MAPKAPK5: variants seen among roughly 807,000 people sequenced by gnomAD.
MAPKAPK5 encodes the protein MAP kinase-activated protein kinase 5.
MAPKAPK5 carries 30 observed loss-of-function variants against 65.1 expected under a neutral mutation model. That is an observed-to-expected ratio of 0.46 (90% CI 0.34 to 0.63). The LOEUF is 0.63. MAPKAPK5 is among the 20% of genes least tolerant of loss of function. MAPKAPK5 has a pLI of 0.01. For synonymous variants in MAPKAPK5, 179 were observed against 204.6 expected, an observed-to-expected ratio of 0.87 and a Z score of 1.07; for missense variants, 433 against 581.4, an observed-to-expected ratio of 0.74 and a Z score of 2.63.
chr12:111,884,138 A>G (rs1025161847), intron 9 of MAPKAPK5, among the ~76,000 whole-genome samples: 14 of 152,150 alleles, frequency 9.2e-5, no homozygotes, highest in African/African-American at 3.4e-4. Flanking sequence ...AGGTGCCGAG[A>G]TGACAAACAG....
At chr12:111,880,334 A>T in intron 7 of MAPKAPK5, 113 bp from the exon 8 acceptor site, 2 of 844,926 alleles carry the variant, frequency 2.4e-6, no homozygotes, top group Admixed American at 2.2e-5. Flanking sequence ...TTTTTTTTCG[A>T]TGGCTGATTG....
At chr12:111,882,769 A>G in intron 8 of MAPKAPK5, 5 of 983,578 alleles carry the variant, frequency 5.1e-6, no homozygotes, top group Non-Finnish European at 6.0e-6. Context: ...ATGCATTTAG[A>G]CCTTCTGTTC....
intron 7 of MAPKAPK5, among the ~76,000 whole-genome samples, chr12:111,874,985 G>T (rs2069917046): frequency 6.6e-6 from 1 of 151,708 alleles, no homozygotes; most frequent in Non-Finnish European, 1.5e-5. Context: ...CACCTTGTTA[G>T]CCAGGATGGT....
chr12:111,871,473 T>C (rs932817059), intron 7 of MAPKAPK5, among the ~76,000 whole-genome samples: 5 of 152,064 alleles, frequency 3.3e-5, no homozygotes, highest in African/African-American at 9.6e-5. Context: ...ACCCTGTCTC[T>C]ACTAAAAAAA....
At chr12:111,865,592 C>T (rs894855375) in intron 2 of MAPKAPK5, among the ~76,000 whole-genome samples, 4 of 151,962 alleles carry the variant, frequency 2.6e-5, no homozygotes, top group Admixed American at 2.6e-4. Flanking sequence ...TATCCCAGAA[C>T]TTTGGGAGGC....
chr12:111,886,203 TC>T (rs1459088423), intron 10 of MAPKAPK5, among the ~76,000 whole-genome samples, 167 bp downstream of exon 10: 1 of 152,118 alleles, frequency 6.6e-6, no homozygotes, highest in Non-Finnish European at 1.5e-5. Flanking sequence ...GGAATTTCTT[TC>T]GGTAAAAGAC....
At chr12:111,877,060 C>T (rs1285403859) in intron 7 of MAPKAPK5, among the ~76,000 whole-genome samples, 1 of 151,880 alleles carries the variant, frequency 6.6e-6, no homozygotes, top group Non-Finnish European at 1.5e-5. Context: ...GCTCCTGGCA[C>T]AAGTTGGAGT....
chr12:111,891,181 C>G (rs977934616), intron 13 of MAPKAPK5, among the ~76,000 whole-genome samples: 1 of 151,702 alleles, frequency 6.6e-6, no homozygotes, highest in Non-Finnish European at 1.5e-5. Context: ...GCAACCTCCC[C>G]GTCCTGGGCT....
At chr12:111,891,788 C>G (rs1002432683) in intron 13 of MAPKAPK5, among the ~76,000 whole-genome samples, 3 of 144,666 alleles carry the variant, frequency 2.1e-5, no homozygotes, top group South Asian at 4.3e-4. Context: ...GCCTGGGCAA[C>G]AGAGAGAGAC....
chr12:111,897,930 A>G lies in MAPKAPK5; in HGVS notation c.*4869A>G, dbSNP rs1378790989. The G allele has an allele frequency of 6.6e-6, 1 of 151,550 alleles. No homozygotes were observed. The highest frequency in any genetic ancestry group is 2.4e-5 in the African/African-American group (1 of 41,228). The allele number at this position is 151,550 out of a possible 1,614,324, so 9.4% of individuals were successfully genotyped here. On this transcript the variant is annotated 3_prime_UTR_variant, in exon 14 of 14. Transcript: ENST00000550735. ...TGTAGAGTTTTATTTTTCTTCATCT[A>G]GAATGCACAGAATAACTGCGTAAGG...
intron 1 of MAPKAPK5, among the ~76,000 whole-genome samples, chr12:111,859,652 CTT>C (rs758102057): frequency 9.4e-5 from 10 of 106,086 alleles, no homozygotes; most frequent in Non-Finnish European, 1.2e-4. Context: ...CTTTGCTTTT[CTT>C]TTTTTTTTTT....
At chr12:111,891,245 C>T (rs908145750) in intron 13 of MAPKAPK5, among the ~76,000 whole-genome samples, 3 of 151,352 alleles carry the variant, frequency 2.0e-5, no homozygotes, top group Non-Finnish European at 4.4e-5. Flanking sequence ...AGGCACGTAC[C>T]ACCATGCCCA....
In MAPKAPK5 at chr12:111,893,608, C is replaced by T. The variant is rs911220682; in HGVS notation, c.*547C>T. The T allele has an allele frequency of 6.6e-5, 10 of 152,254 alleles. No homozygotes were observed. Among genetic ancestry groups the T allele is most frequent in the African/African-American group, 2.2e-4 (9 of 41,432 alleles). 9.4% of individuals were successfully genotyped at this position (152,254 alleles called of 1,614,324 possible). ...GAGGTGAGCCCTCATTTCTCCTGCCCCCTAATTCCCAAGAGAAAAGCAGGA... is the reference window on the plus strand; with the variant it reads ...GAGGTGAGCCCTCATTTCTCCTGCCTCCTAATTCCCAAGAGAAAAGCAGGA... On this transcript the variant is annotated 3_prime_UTR_variant, in exon 14 of 14. Coordinates refer to ENST00000550735, the MANE Select transcript of MAPKAPK5 (RefSeq NM_003668.4).
intron 4 of MAPKAPK5, among the ~76,000 whole-genome samples, chr12:111,867,899 C>T: frequency 6.6e-6 from 1 of 152,208 alleles, no homozygotes; most frequent in Non-Finnish European, 1.5e-5. Flanking sequence ...CATGATCCAT[C>T]CTCAACAGTA....
At chr12:111,888,714 C>A in intron 11 of MAPKAPK5, 96 bp downstream of exon 11, 1 of 1,554,730 alleles carries the variant, frequency 6.4e-7, no homozygotes, top group South Asian at 1.2e-5. Context: ...AGCTAGGGGT[C>A]TTTAGCCTCT....
chr12:111,860,071 A>G (rs2069384852), intron 1 of MAPKAPK5, among the ~76,000 whole-genome samples: 1 of 152,258 alleles, frequency 6.6e-6, no homozygotes, highest in Admixed American at 6.5e-5. Context: ...ACTCCGTCTC[A>G]AAAGAAAATA....
At chr12:111,846,667 T>C (rs1170633909) in intron 1 of MAPKAPK5, among the ~76,000 whole-genome samples, 1 of 151,570 alleles carries the variant, frequency 6.6e-6, no homozygotes, top group East Asian at 1.9e-4. Flanking sequence ...CCTGGCTAAT[T>C]TTTGTATTTT....
Position 111,888,470 on chromosome 12 carries a change from G to C in MAPKAPK5, c.970-18G>C, listed in dbSNP as rs535629644. On this transcript the variant is annotated intron_variant, in intron 10 of 13. Transcript: ENST00000550735. ...CCAGCAATGAATATGAAAAACTGACGGCAGTGTTTGCATTCAGGCAGTGGT... is the reference window on the plus strand; with the variant it reads ...CCAGCAATGAATATGAAAAACTGACCGCAGTGTTTGCATTCAGGCAGTGGT... 6.2e-7 allele frequency: 1 copy of C among 1,611,764 alleles called. No individual in the cohort carries two copies. Among genetic ancestry groups the C allele is most frequent in the East Asian group, 2.2e-5 (1 of 44,856 alleles).
rs2070157771 is a variant in MAPKAPK5, at chr12:111,880,488, C to T, written c.621C>T (p.Gly207=). ...GAAGGCATCAGAAGGAGAAATCTGG[C>T]ATCATACCTACCTCACCGACGCCCT... ...AQRRHQKEKS[G]IIPTSPTPYT... The change falls in exon 8 of 14, where the codon GGC becomes GGT. Residue 207 remains glycine, a synonymous_variant. Coordinates refer to ENST00000550735, the MANE Select transcript of MAPKAPK5 (RefSeq NM_003668.4). 6.2e-7 allele frequency: 1 copy of T among 1,612,180 alleles called. No homozygotes were observed. Among genetic ancestry groups the T allele is most frequent in the Non-Finnish European group, 8.5e-7 (1 of 1,179,246 alleles).
Sources: allele counts gnomAD v4.1 joint callset (sites outside exome capture counted in the v4.1 genomes callset), GRCh38; gene constraint gnomAD v4.1.1; transcripts MANE v1.5; gene names NCBI Gene and HGNC (gene_info 2026-07-23, HGNC 2026-07-21).